RAP1GDS1: variants seen among roughly 807,000 people sequenced by gnomAD.
The protein encoded by RAP1GDS1 is Rap1 GTPase-GDP dissociation stimulator 1.
RAP1GDS1 carries 35 observed loss-of-function variants against 71.1 expected under a neutral mutation model. The ratio of observed to expected loss-of-function variants is 0.49; its 90% confidence interval spans 0.38 to 0.65. The LOEUF is 0.65. Ranked by LOEUF, RAP1GDS1 falls within the 30% of genes least tolerant of loss-of-function variation. The probability of loss-of-function intolerance (pLI) is 0.00; values close to 1 mark genes in which losing one functional copy is unlikely to be tolerated. For synonymous variants in RAP1GDS1, 229 were observed against 243.1 expected, an observed-to-expected ratio of 0.94 and a Z score of 0.54; for missense variants, 663 against 706.1, an observed-to-expected ratio of 0.94 and a Z score of 0.69.
At position 98,373,682 on chromosome 4, in the gene RAP1GDS1, A is replaced by G. The variant is rs1740736599; in HGVS notation, c.362-5335A>G. 1.3e-5 allele frequency among the ~76,000 whole-genome samples: 2 copies of G among 152,210 alleles called. 1 individual carries two copies. The highest frequency in any genetic ancestry group is 4.1e-4 in the South Asian group (2 of 4,836). ...GTGGACACTTGAAACCAAAGGTAGTACCAAACCTGTATATATCATGTCTTT... is the reference window on the plus strand; with the variant it reads ...GTGGACACTTGAAACCAAAGGTAGTGCCAAACCTGTATATATCATGTCTTT... On this transcript the variant is annotated intron_variant, in intron 4 of 14. Transcript: ENST00000408927.
chr4:98,383,944 T>G (rs1483052348), intron 5 of RAP1GDS1, among the ~76,000 whole-genome samples: 1 of 151,572 alleles, frequency 6.6e-6, no homozygotes, highest in East Asian at 1.9e-4. Context: ...AGTGAAGAAC[T>G]ATTTTTAAAC....
intron 2 of RAP1GDS1, among the ~76,000 whole-genome samples, chr4:98,301,744 A>C (rs577547425): frequency 2.0e-5 from 3 of 152,174 alleles, no homozygotes; most frequent in Non-Finnish European, 2.9e-5. Flanking sequence ...CTGGTCTTAG[A>C]TTAGATTCTA....
chr4:98,424,500 G>A (rs1316177489), intron 12 of RAP1GDS1, among the ~76,000 whole-genome samples: 7 of 152,168 alleles, frequency 4.6e-5, no homozygotes, highest in African/African-American at 1.4e-4. Context: ...GGTGGCTCAC[G>A]CCTGTAATCC....
intron 1 of RAP1GDS1, among the ~76,000 whole-genome samples, chr4:98,288,691 C>G (rs1293668861): frequency 6.6e-6 from 1 of 152,142 alleles, no homozygotes; most frequent in Non-Finnish European, 1.5e-5. Context: ...TCTCGAGCAC[C>G]TGTTGTTTCC....
chr4:98,289,090 A>G (rs1726501205), intron 1 of RAP1GDS1, among the ~76,000 whole-genome samples: 1 of 152,176 alleles, frequency 6.6e-6, no homozygotes, highest in Non-Finnish European at 1.5e-5. Context: ...TGATAATTAT[A>G]CAAGGTAGCC....
intron 1 of RAP1GDS1, among the ~76,000 whole-genome samples, chr4:98,272,534 ATGGAGAAGAAT>A (rs1438589787): frequency 6.6e-6 from 1 of 152,172 alleles, no homozygotes; most frequent in African/African-American, 2.4e-5. Flanking sequence ...GGACGTTGTC[ATGGAGAAGAAT>A]TGGGCCCTTT....
intron 6 of RAP1GDS1, 72 bp downstream of exon 6, chr4:98,392,152 T>C (rs1410153180): frequency 7.3e-7 from 1 of 1,360,840 alleles, no homozygotes; most frequent in Non-Finnish European, 1.0e-6. Flanking sequence ...TCTGTAGATA[T>C]TAAGAAGCTA....
intron 1 of RAP1GDS1, among the ~76,000 whole-genome samples, chr4:98,283,554 T>TA (rs1234032257): frequency 2.0e-5 from 3 of 152,058 alleles, no homozygotes; most frequent in South Asian, 2.1e-4. Flanking sequence ...AAATGAGCGA[T>TA]AAAAAAGGAC....
intron 4 of RAP1GDS1, among the ~76,000 whole-genome samples, chr4:98,365,647 T>C (rs934909701): frequency 2.6e-5 from 4 of 152,120 alleles, no homozygotes; most frequent in Non-Finnish European, 5.9e-5. Context: ...ATACTGTCCT[T>C]CTAATTGTTC....
intron 1 of RAP1GDS1, among the ~76,000 whole-genome samples, chr4:98,280,496 A>G (rs905720030): frequency 6.6e-6 from 1 of 151,976 alleles, no homozygotes; most frequent in African/African-American, 2.4e-5. Context: ...TTCTTTGTAG[A>G]TTCTGGATAT....
chr4:98,284,554 A>G (rs1447413229), intron 1 of RAP1GDS1, among the ~76,000 whole-genome samples: 1 of 152,200 alleles, frequency 6.6e-6, no homozygotes, highest in Non-Finnish European at 1.5e-5. Context: ...AGATAATCAC[A>G]ACAATGTCTC....
At chr4:98,308,698 G>A (rs1381107934) in intron 2 of RAP1GDS1, among the ~76,000 whole-genome samples, 1 of 152,046 alleles carries the variant, frequency 6.6e-6, no homozygotes, top group African/African-American at 2.4e-5. Flanking sequence ...CAGTATACTA[G>A]TGAAGTTCAG....
At chr4:98,418,557 C>A in intron 9 of RAP1GDS1, 100 bp from the exon 10 acceptor site, 1 of 1,067,944 alleles carries the variant, frequency 9.4e-7, no homozygotes, top group Non-Finnish European at 1.3e-6. Context: ...TATTGTATAG[C>A]TCCATTTTCC....
At chr4:98,302,090 G>C (rs1728656108) in intron 2 of RAP1GDS1, among the ~76,000 whole-genome samples, 1 of 152,078 alleles carries the variant, frequency 6.6e-6, no homozygotes, top group African/African-American at 2.4e-5. Context: ...ATACATAGGT[G>C]CTACAAAAAA....
At chr4:98,294,869 A>G (rs1727492688) in intron 2 of RAP1GDS1, among the ~76,000 whole-genome samples, 1 of 152,064 alleles carries the variant, frequency 6.6e-6, no homozygotes, top group African/African-American at 2.4e-5. Context: ...AACATAATTA[A>G]CCTAAGTAAA....
Position 98,437,060 on chromosome 4 carries a change from T to G in RAP1GDS1, c.1688T>G (p.Met563Arg). 1 of 1,600,936 alleles carries G rather than the reference T, an allele frequency of 6.2e-7. No individual in the cohort carries two copies. Among genetic ancestry groups the G allele is most frequent in the Non-Finnish European group, 8.5e-7 (1 of 1,176,304 alleles). ...YNSMVLICALMGSECLHKEVQ... is the reference protein window; with the variant it reads ...YNSMVLICALRGSECLHKEVQ... ...TCCATGGTCCTGATATGTGCTCTTA[T>G]GGGATCTGGTAAGTATTCTTCTATC... Residue 563 changes from methionine to arginine, a missense_variant, in exon 14 of 15, where the codon ATG becomes AGG. Physicochemically the swap from Met to Arg is moderately conservative, Grantham distance 91. Coordinates refer to ENST00000408927, the MANE Select transcript of RAP1GDS1 (RefSeq NM_001100427.2).
intron 1 of RAP1GDS1, among the ~76,000 whole-genome samples, chr4:98,269,491 T>A (rs1553957129): frequency 6.6e-6 from 1 of 152,052 alleles, no homozygotes; most frequent in Non-Finnish European, 1.5e-5. Flanking sequence ...ATCAAATTAA[T>A]AAGTTTCTCT....
At chr4:98,280,369 G>A (rs1560764521) in intron 1 of RAP1GDS1, among the ~76,000 whole-genome samples, 1 of 152,192 alleles carries the variant, frequency 6.6e-6, no homozygotes, top group African/African-American at 2.4e-5. Context: ...GTGATGATGA[G>A]CATTTTTTCA....
At chr4:98,426,109 C>A (rs539761897) in intron 12 of RAP1GDS1, among the ~76,000 whole-genome samples, 1 of 152,224 alleles carries the variant, frequency 6.6e-6, no homozygotes, top group South Asian at 2.1e-4. Context: ...AATTAAATAA[C>A]CTGCTCCTGA....
Sources: allele counts gnomAD v4.1 joint callset (sites outside exome capture counted in the v4.1 genomes callset), GRCh38; gene constraint gnomAD v4.1.1; transcripts MANE v1.5; gene names NCBI Gene and HGNC (gene_info 2026-07-23, HGNC 2026-07-21).